HEMK2: variants seen among roughly 807,000 people sequenced by gnomAD.
HEMK2 encodes the protein methyltransferase HEMK2.
the HEMK2 span, among the ~76,000 whole-genome samples, chr21:28,617,925 C>T: frequency 6.6e-6 from 1 of 151,982 alleles, no homozygotes; most frequent in Non-Finnish European, 1.5e-5. Context: ...GTAGCTGGGA[C>T]TACAGGCATA....
chr21:28,701,678 G>C, the HEMK2 span, among the ~76,000 whole-genome samples: 3 of 151,802 alleles, frequency 2.0e-5, no homozygotes, highest in Non-Finnish European at 4.4e-5. Context: ...AAAGAAATCA[G>C]AGGTGACATA....
chr21:28,644,568 T>C, the HEMK2 span, among the ~76,000 whole-genome samples: 1,417 of 152,306 alleles, frequency 9.3e-3, 23 homozygotes, highest in African/African-American at 0.032. Flanking sequence ...TAGCTCTTTC[T>C]CCCTGCTTAT....
At chr21:28,844,676 G>A in the HEMK2 span, among the ~76,000 whole-genome samples, 1 of 151,906 alleles carries the variant, frequency 6.6e-6, no homozygotes. Context: ...ATTTTTCCCA[G>A]CCATGAGACT....
chr21:28,761,400 G>A, the HEMK2 span, among the ~76,000 whole-genome samples: 1 of 152,004 alleles, frequency 6.6e-6, no homozygotes, highest in Non-Finnish European at 1.5e-5. Context: ...TAATTGCAAG[G>A]ACCTGTGTTG....
the HEMK2 span, among the ~76,000 whole-genome samples, chr21:28,863,420 A>T: frequency 6.8e-4 from 7 of 10,308 alleles, no homozygotes; most frequent in African/African-American, 1.4e-3. Flanking sequence ...TTATATATAT[A>T]TATATATATA....
At chr21:28,606,040 T>C in the HEMK2 span, among the ~76,000 whole-genome samples, 5 of 152,142 alleles carry the variant, frequency 3.3e-5, no homozygotes, top group Admixed American at 2.6e-4. Context: ...ACACAACCTG[T>C]TGCAGGATAA....
the HEMK2 span, among the ~76,000 whole-genome samples, chr21:28,616,514 T>C: frequency 3.3e-5 from 5 of 152,324 alleles, no homozygotes; most frequent in East Asian, 7.7e-4. Context: ...TTTAAGAAAC[T>C]GTAGTTTTTT....
the HEMK2 span, among the ~76,000 whole-genome samples, chr21:28,789,635 C>G: frequency 6.6e-6 from 1 of 152,140 alleles, no homozygotes; most frequent in Non-Finnish European, 1.5e-5. Flanking sequence ...GATATCAAGT[C>G]CTACTTAAAG....
At chr21:28,585,388 G>A in the HEMK2 span, among the ~76,000 whole-genome samples, 107,090 of 151,394 alleles carry the variant, frequency 0.71, 38,594 homozygotes, top group South Asian at 0.79. Flanking sequence ...TCCAATAAAT[G>A]TATCACCTTC....
At chr21:28,638,771 C>T in the HEMK2 span, among the ~76,000 whole-genome samples, 1 of 152,060 alleles carries the variant, frequency 6.6e-6, no homozygotes, top group Non-Finnish European at 1.5e-5. Flanking sequence ...GGGCTGTCTG[C>T]CGGAGCTCCT....
At chr21:28,679,616 C>G in the HEMK2 span, among the ~76,000 whole-genome samples, 2 of 152,274 alleles carry the variant, frequency 1.3e-5, no homozygotes, top group East Asian at 3.9e-4. Flanking sequence ...AGCACCACAT[C>G]GCACTTATTC....
the HEMK2 span, among the ~76,000 whole-genome samples, chr21:28,631,159 T>C: frequency 0.018 from 2,801 of 152,190 alleles, 95 homozygotes; most frequent in African/African-American, 0.062. Context: ...CTCTTCCTGG[T>C]TTATAAATGG....
the HEMK2 span, among the ~76,000 whole-genome samples, chr21:28,711,731 T>C: frequency 6.6e-5 from 10 of 152,194 alleles, no homozygotes; most frequent in South Asian, 1.9e-3. Flanking sequence ...TTTGAAGAAT[T>C]AATAGGATTC....
chr21:28,765,214 T>C, the HEMK2 span, among the ~76,000 whole-genome samples: 11 of 152,104 alleles, frequency 7.2e-5, no homozygotes, highest in Admixed American at 4.6e-4. Context: ...AACTGAATTC[T>C]ACCAACGACC....
At chr21:28,876,405 G>A in the HEMK2 span, 1 of 1,609,538 alleles carries the variant, frequency 6.2e-7, no homozygotes, top group South Asian at 1.1e-5. Context: ...GTGAACTTGA[G>A]GACTGAAAGA....
At chr21:28,785,380 T>A in the HEMK2 span, among the ~76,000 whole-genome samples, 1 of 152,198 alleles carries the variant, frequency 6.6e-6, no homozygotes, top group African/African-American at 2.4e-5. Context: ...TACAGCAATA[T>A]GTATCAAACT....
At chr21:28,678,367 A>G in the HEMK2 span, among the ~76,000 whole-genome samples, 1 of 152,224 alleles carries the variant, frequency 6.6e-6, no homozygotes, top group Non-Finnish European at 1.5e-5. Context: ...ACAAACGAAC[A>G]AAGCCTCCAA....
At chr21:28,610,024 A>C in the HEMK2 span, among the ~76,000 whole-genome samples, 1 of 152,248 alleles carries the variant, frequency 6.6e-6, no homozygotes, top group Non-Finnish European at 1.5e-5. Context: ...CTTACTGGCG[A>C]TCTAGACATC....
the HEMK2 span, among the ~76,000 whole-genome samples, chr21:28,735,542 G>A: frequency 6.6e-6 from 1 of 152,136 alleles, no homozygotes; most frequent in Non-Finnish European, 1.5e-5. Context: ...TATAAAATTT[G>A]AGCAGCTGGG....
Sources: gnomAD v4.1 joint callset for allele counts (sites outside exome capture counted in the v4.1 genomes callset) on GRCh38, gnomAD v4.1.1 for gene constraint, MANE v1.5 for transcripts, NCBI Gene and HGNC (gene_info 2026-07-23, HGNC 2026-07-21) for gene names.